KRAS: variants seen among roughly 807,000 people sequenced by gnomAD.
The protein encoded by KRAS is KRas proto-oncogene, GTPase, also known as GTPase KRas.
KRAS carries 1 observed loss-of-function variant against 21.0 expected under a neutral mutation model. The ratio of observed to expected loss-of-function variants is 0.05; its 90% CI spans 0.02 to 0.23. KRAS has a LOEUF of 0.23. KRAS is among the 10% of genes least tolerant of loss of function. The probability of loss-of-function intolerance (pLI) is 1.00; values close to 1 mark genes in which losing one functional copy is unlikely to be tolerated. For synonymous variants in KRAS, 67 were observed against 72.5 expected (o/e 0.92, Z 0.39); for missense variants, 107 against 221.8 (o/e 0.48, Z 3.29).
At chr12:25,232,779 A>G (rs1203182174) in intron 2 of KRAS, among the ~76,000 whole-genome samples, 4 of 152,162 alleles carry the variant, frequency 2.6e-5, no homozygotes, top group South Asian at 2.1e-4. Context: ...CTACATAGTA[A>G]AAAATTTTTC....
chr12:25,236,285 C>T (rs1446188383), intron 2 of KRAS, among the ~76,000 whole-genome samples: 1 of 152,136 alleles, frequency 6.6e-6, no homozygotes, highest in Non-Finnish European at 1.5e-5. Context: ...CTAGCATTAT[C>T]ATGACAAATT....
rs1951148194 is a variant in KRAS, at chr12:25,207,212, G to A, written c.*2583C>T. The A allele has an allele frequency of 4.8e-6, 1 of 208,690 alleles. No homozygotes were observed. The allele number at this position is 208,690 out of a possible 1,614,324, so 12.9% of individuals were successfully genotyped here. A position where few individuals can be genotyped will look rare whatever the true frequency, so the allele number is the denominator to read the frequency against. ...ATACCCAGTGCCTTGTGTGGTGACT[G>A]GCATCTGGTAGGCACTCAATAAATA... is the stretch of plus-strand genomic sequence containing the variant. On this transcript the variant is annotated 3_prime_UTR_variant, in exon 5 of 5. Transcript: ENST00000311936.
In KRAS at chr12:25,227,222, A is replaced by G; in HGVS notation, c.290+12T>C. On this transcript the variant is annotated intron_variant, in intron 3 of 4. Coordinates refer to ENST00000311936, the MANE Select transcript of KRAS (RefSeq NM_004985.5). Reference sequence around the variant, plus strand: ...CCTTAATGTCAGCTTATTATATTCAATTTAAACCCACCTATAATGGTGAAT... The same window carrying G: ...CCTTAATGTCAGCTTATTATATTCAGTTTAAACCCACCTATAATGGTGAAT... The G allele has an allele frequency of 1.3e-6, 2 of 1,597,964 alleles. No homozygotes were observed. The highest frequency in any genetic ancestry group is 1.7e-6 in the Non-Finnish European group (2 of 1,165,572).
chr12:25,220,621 G>A (rs1339016122), intron 4 of KRAS, among the ~76,000 whole-genome samples: 1 of 152,044 alleles, frequency 6.6e-6, no homozygotes. Flanking sequence ...CAGCTACTCA[G>A]GAGGCTGAGG....
At chr12:25,223,220 A>T (rs1173864239) in intron 4 of KRAS, among the ~76,000 whole-genome samples, 2 of 152,222 alleles carry the variant, frequency 1.3e-5, no homozygotes, top group Non-Finnish European at 2.9e-5. Flanking sequence ...TTGTAAGTAA[A>T]GCAAATATAA....
chr12:25,241,603 C>T (rs1023883714), intron 2 of KRAS, among the ~76,000 whole-genome samples: 1 of 152,182 alleles, frequency 6.6e-6, no homozygotes, highest in Non-Finnish European at 1.5e-5. Flanking sequence ...TTTAAAGCTA[C>T]AGGTTAACAT....
At chr12:25,226,940 TA>T (rs1410558037) in intron 3 of KRAS, among the ~76,000 whole-genome samples, 2 of 152,166 alleles carry the variant, frequency 1.3e-5, no homozygotes, top group African/African-American at 4.8e-5. Context: ...ATGATGTATC[TA>T]AAAAGTTTAA....
intron 2 of KRAS, among the ~76,000 whole-genome samples, chr12:25,230,427 G>C (rs896855831): frequency 2.0e-5 from 3 of 152,126 alleles, no homozygotes; most frequent in African/African-American, 7.2e-5. Context: ...TCGGGAGTTT[G>C]AGATCAGCCT....
intron 2 of KRAS, among the ~76,000 whole-genome samples, chr12:25,232,170 A>C (rs905797099): frequency 6.6e-6 from 1 of 152,218 alleles, no homozygotes; most frequent in Non-Finnish European, 1.5e-5. Context: ...AAGAAAAAAA[A>C]ATATGCATCA....
intron 4 of KRAS, among the ~76,000 whole-genome samples, chr12:25,216,028 A>AAAAAACAAC (rs1951251027): frequency 6.6e-6 from 1 of 152,216 alleles, no homozygotes; most frequent in South Asian, 2.1e-4. Flanking sequence ...AACCTTTGTT[A>AAAAAACAAC]AAAAACAACA....
intron 2 of KRAS, among the ~76,000 whole-genome samples, chr12:25,229,233 G>A (rs1951434816): frequency 6.6e-6 from 1 of 152,076 alleles, no homozygotes; most frequent in Admixed American, 6.6e-5. Context: ...AAATGGGATA[G>A]CTCTACCAAC....
rs1951176479 is a variant in KRAS at position 25,209,179 on chromosome 12, T to A, written c.*616A>T. ...CCATTGCCTTGTAATTTTTTTCCAT[T>A]TTTTTCTTTTTATAGAAAAAATATA... On this transcript the variant is annotated 3_prime_UTR_variant, in exon 5 of 5. Transcript: ENST00000311936. 4.5e-6 allele frequency: 3 copies of A among 662,412 alleles called. No homozygotes were observed. In the South Asian group the frequency reaches 5.2e-5, roughly 11 times the overall value. 41.0% of individuals were successfully genotyped at this position (662,412 alleles called of 1,614,324 possible). A position where few individuals can be genotyped will look rare whatever the true frequency, so the allele number is the denominator to read the frequency against.
intron 4 of KRAS, among the ~76,000 whole-genome samples, chr12:25,221,571 A>G (rs957352409): frequency 5.4e-4 from 82 of 152,012 alleles, no homozygotes; most frequent in African/African-American, 1.8e-3. Context: ...GCTAACAACG[A>G]TTTTTGCATT....
chr12:25,206,843 A>C lies in KRAS; in HGVS notation c.*2952T>G, dbSNP rs1428106038. 3.0e-5 allele frequency: 6 copies of C among 199,802 alleles called. No individual in the cohort carries two copies. The highest frequency in any genetic ancestry group is 2.4e-4 in the Admixed American group (4 of 16,614). 12.4% of individuals were successfully genotyped at this position (199,802 alleles called of 1,614,324 possible). A position where few individuals can be genotyped will look rare whatever the true frequency, so the allele number is the denominator to read the frequency against. On this transcript the variant is annotated 3_prime_UTR_variant, in exon 5 of 5. Transcript: ENST00000311936. ...TAATTACTTATGCAGAGAAAACTGGAATATTACACATTTGGGTCAATATGA... is the reference window on the plus strand; with the variant it reads ...TAATTACTTATGCAGAGAAAACTGGCATATTACACATTTGGGTCAATATGA...
intron 1 of KRAS, among the ~76,000 whole-genome samples, chr12:25,247,323 C>T (rs1256966391): frequency 6.6e-6 from 1 of 152,134 alleles, no homozygotes; most frequent in African/African-American, 2.4e-5. Context: ...ACATACTAAC[C>T]TTACTCCTAA....
rs727503991 is a variant in KRAS, at chr12:25,225,782, G to GA, written c.291-10dup. On this transcript the variant is annotated splice_polypyrimidine_tract_variant and intron_variant, in intron 3 of 4. Coordinates refer to ENST00000311936, the MANE Select transcript of KRAS (RefSeq NM_004985.5). Reference sequence around the variant, plus strand: ...CTCTTTTAATTTGTTCTCTGGGAAAGAAAAAAAAGTTATAGCACAGTCATT... The same window carrying GA: ...CTCTTTTAATTTGTTCTCTGGGAAAGAAAAAAAAAGTTATAGCACAGTCATT... 5 of 1,607,762 alleles carry GA rather than the reference G, an allele frequency of 3.1e-6. No individual in the cohort carries two copies. The highest frequency in any genetic ancestry group is 3.4e-6 in the Non-Finnish European group (4 of 1,177,212).
intron 4 of KRAS, among the ~76,000 whole-genome samples, chr12:25,217,685 G>C (rs1951271371): frequency 6.6e-6 from 1 of 152,108 alleles, no homozygotes; most frequent in Non-Finnish European, 1.5e-5. Context: ...TGTAGTACCA[G>C]CACTTTGAGA....
At chr12:25,248,716 G>A (rs933667925) in intron 1 of KRAS, among the ~76,000 whole-genome samples, 1 of 151,944 alleles carries the variant, frequency 6.6e-6, no homozygotes, top group African/African-American at 2.4e-5. Context: ...CATGGGCTGG[G>A]AGGGGATCCC....
chr12:25,223,639 T>C (rs190996755), intron 4 of KRAS, among the ~76,000 whole-genome samples: 80 of 152,326 alleles, frequency 5.3e-4, no homozygotes, highest in Non-Finnish European at 1.5e-5. Context: ...TTACTATATA[T>C]CAAATTTGTA....
Sources: allele counts gnomAD v4.1 joint callset (sites outside exome capture counted in the v4.1 genomes callset), GRCh38; gene constraint gnomAD v4.1.1; transcripts MANE v1.5; gene names NCBI Gene and HGNC (gene_info 2026-07-23, HGNC 2026-07-21).